The following MYEF2 variants were observed in gnomAD, a reference collection of about 807,000 sequenced individuals.
MYEF2 encodes the protein myelin expression factor 2, also known as myelin gene expression factor 2.
MYEF2 carries 37 observed loss-of-function variants against 75.2 expected under a neutral mutation model. The ratio of observed to expected loss-of-function variants is 0.49; its 90% CI spans 0.38 to 0.65. MYEF2 has a LOEUF of 0.65. Among genes scored for constraint, MYEF2 ranks in the 30% least tolerant of loss-of-function variants. The pLI, the probability that MYEF2 is intolerant of heterozygous loss-of-function variation, is 0.00. For missense variants in MYEF2, 634 were observed against 771.4 expected (o/e 0.82, Z 2.11); for synonymous variants, 195 against 241.6 (o/e 0.81, Z 1.79).
intron 9 of MYEF2, among the ~76,000 whole-genome samples, chr15:48,156,338 C>T (rs781186708): frequency 5.9e-5 from 9 of 151,414 alleles, no homozygotes; most frequent in Admixed American, 1.3e-4. Context: ...CTATTAAAAC[C>T]GACAAATTTC....
Position 48,140,193 on chromosome 15 carries a change from G to A in MYEF2, c.*2715C>T, listed in dbSNP as rs2039019264. The A allele has an allele frequency of 6.6e-6, 1 of 151,690 alleles. No homozygotes were observed. The highest frequency in any genetic ancestry group is 2.4e-5 in the African/African-American group (1 of 41,272). 9.4% of individuals were successfully genotyped at this position (151,690 alleles called of 1,614,324 possible). ...TTGATACTAGAAAAATAAAAAGAGA[G>A]CAAAAATCATGTAATAGATCACAGA... is the stretch of plus-strand genomic sequence containing the variant. On this transcript the variant is annotated 3_prime_UTR_variant, in exon 17 of 17. Coordinates refer to ENST00000324324, the MANE Select transcript of MYEF2 (RefSeq NM_016132.5).
At chr15:48,156,197 T>C (rs2039690031) in intron 9 of MYEF2, among the ~76,000 whole-genome samples, 1 of 152,174 alleles carries the variant, frequency 6.6e-6, no homozygotes, top group South Asian at 2.1e-4. Context: ...AGCTACCAAT[T>C]TGAAGTAAGC....
chr15:48,167,493 G>T, intron 2 of MYEF2, 92 bp from the exon 3 acceptor site: 1 of 1,121,502 alleles, frequency 8.9e-7, no homozygotes, highest in Non-Finnish European at 1.3e-6. Flanking sequence ...CAACTCTACA[G>T]AGAAGCACCT....
intron 1 of MYEF2, among the ~76,000 whole-genome samples, chr15:48,170,120 CTGT>C (rs748883983): frequency 8.3e-4 from 126 of 151,580 alleles, no homozygotes; most frequent in African/African-American, 2.6e-3. Context: ...GTTTTTGTTG[CTGT>C]TGTTGTTGTT....
chr15:48,150,570 T>A (rs2039454292), intron 14 of MYEF2, among the ~76,000 whole-genome samples: 1 of 151,972 alleles, frequency 6.6e-6, no homozygotes, highest in African/African-American at 2.4e-5. Flanking sequence ...GATGGGAGAT[T>A]CAGCATTCCC....
In MYEF2 at chr15:48,141,539, G is replaced by C. The variant is rs1000770339; in HGVS notation, c.*1369C>G. 2 of 182,754 alleles carry C rather than the reference G, an allele frequency of 1.1e-5. No individual in the cohort carries two copies. Among genetic ancestry groups the C allele is most frequent in the African/African-American group, 4.8e-5 (2 of 41,906 alleles). The allele number at this position is 182,754 out of a possible 1,614,324, so 11.3% of individuals were successfully genotyped here. ...TTGCAGTGAGCCGAGATTGCGCCAC[G>C]GCACTCCAGCAGCCTGGGCAACAGA... On this transcript the variant is annotated 3_prime_UTR_variant, in exon 17 of 17. Coordinates refer to ENST00000324324, the MANE Select transcript of MYEF2 (RefSeq NM_016132.5).
chr15:48,167,197 GT>G, intron 3 of MYEF2, 151 bp downstream of exon 3: 1 of 687,748 alleles, frequency 1.5e-6, no homozygotes. Context: ...TTGTATAAGT[GT>G]CAGACTTGCT....
chr15:48,164,343 C>A (rs2140907668), intron 5 of MYEF2, among the ~76,000 whole-genome samples: 1 of 152,216 alleles, frequency 6.6e-6, no homozygotes, highest in African/African-American at 2.4e-5. Flanking sequence ...GAAGTGGATC[C>A]TGAAGATGTG....
rs2038970166 is a variant in MYEF2, at chr15:48,138,904, A to G, written c.*4004T>C. The G allele has an allele frequency of 2.6e-5, 31 of 1,198,756 alleles. No homozygotes were observed. In the South Asian group the frequency reaches 4.1e-4, roughly 16 times the overall value. 74.3% of individuals were successfully genotyped at this position (1,198,756 alleles called of 1,614,324 possible). On this transcript the variant is annotated 3_prime_UTR_variant, in exon 17 of 17. Coordinates refer to ENST00000324324, the MANE Select transcript of MYEF2 (RefSeq NM_016132.5). ...AATTTATTTCAATATAACTTTCTAA[A>G]TAGGCATTTCTAACTTAATTAGCCA...
intron 6 of MYEF2, 145 bp from the exon 7 acceptor site, chr15:48,159,067 C>T: frequency 1.4e-6 from 1 of 704,184 alleles, no homozygotes; most frequent in Admixed American, 3.1e-5. Flanking sequence ...AATTTTAAAA[C>T]ATCTTCAGTT....
chr15:48,153,105 T>A (rs1239169651), intron 10 of MYEF2: 1 of 152,092 alleles, frequency 6.6e-6, no homozygotes, highest in Non-Finnish European at 1.5e-5. Context: ...AAGCCAAACA[T>A]TAAAAAGATG....
At chr15:48,143,863 A>G (rs573090401) in intron 16 of MYEF2, among the ~76,000 whole-genome samples, 8 of 152,238 alleles carry the variant, frequency 5.3e-5, no homozygotes, top group African/African-American at 1.9e-4. Flanking sequence ...AAAAGTGGCC[A>G]TAAGAATTCA....
chr15:48,158,352 A>G lies in MYEF2; in HGVS notation c.872-128T>C, dbSNP rs181788332. On this transcript the variant is annotated intron_variant, in intron 7 of 16. Coordinates refer to ENST00000324324, the MANE Select transcript of MYEF2 (RefSeq NM_016132.5). ...ATTAACATCTTTAATACTTATTGAT[A>G]TTAGCCACTTTCATATACTCAAAAA... 1.2e-3 allele frequency: 901 copies of G among 782,712 alleles called. 11 individuals carry two copies. The African/African-American group carries it at 0.014, about 13-fold the overall frequency. The allele number at this position is 782,712 out of a possible 1,614,324, so 48.5% of individuals were successfully genotyped here.
Position 48,151,456 on chromosome 15 carries a change from T to A in MYEF2, c.1306+17A>T. The A allele has an allele frequency of 1.3e-6, 2 of 1,598,108 alleles. No individual in the cohort carries two copies. Among genetic ancestry groups the A allele is most frequent in the South Asian group, 2.2e-5 (2 of 90,628 alleles). On this transcript the variant is annotated intron_variant, in intron 13 of 16. Coordinates refer to ENST00000324324, the MANE Select transcript of MYEF2 (RefSeq NM_016132.5). ...TAGCCTACAAAAAGAAAAGGAGAAG[T>A]ATGCAGCCAGCCCTACCAAGTCTAC...
chr15:48,164,972 C>G (rs145704758), intron 5 of MYEF2, among the ~76,000 whole-genome samples: 2 of 152,212 alleles, frequency 1.3e-5, no homozygotes, highest in East Asian at 3.9e-4. Context: ...TAGTCTGGAA[C>G]CAAACCTACA....
chr15:48,158,812 G>A lies in MYEF2; in HGVS notation c.828C>T (p.Gly276=). ...EDKDGKSRGM[G]TVTFEQAIEA... is the part of the protein sequence containing the mutation. ...CAATTGCTTGCTCAAAAGTGACAGT[G>A]CCCATTCCTCTGCTCTTGCCATCTT... Residue 276 remains glycine (G), a synonymous_variant, in exon 7 of 17, where the codon GGC becomes GGT. Transcript: ENST00000324324. 1 of 1,613,740 alleles carries A rather than the reference G, an allele frequency of 6.2e-7. No homozygotes were observed. The highest frequency in any genetic ancestry group is 1.3e-5 in the African/African-American group (1 of 75,008).
At chr15:48,176,864 A>C (rs1220415248) in intron 1 of MYEF2, among the ~76,000 whole-genome samples, 1 of 152,170 alleles carries the variant, frequency 6.6e-6, no homozygotes, top group Non-Finnish European at 1.5e-5. Context: ...ACTAAGTTCC[A>C]ATCTCTTATA....
At chr15:48,148,164 T>C (rs925502824) in intron 16 of MYEF2, among the ~76,000 whole-genome samples, 34 of 152,058 alleles carry the variant, frequency 2.2e-4, no homozygotes, top group Non-Finnish European at 4.3e-4. Context: ...ATTATATATA[T>C]GCTATCTTAT....
chr15:48,148,074 T>C (rs2039356114), intron 16 of MYEF2, among the ~76,000 whole-genome samples: 1 of 152,112 alleles, frequency 6.6e-6, no homozygotes, highest in African/African-American at 2.4e-5. Context: ...TAAAGAAATA[T>C]GAGATAATAT....
Sources: allele counts gnomAD v4.1 joint callset (sites outside exome capture counted in the v4.1 genomes callset), GRCh38; gene constraint gnomAD v4.1.1; transcripts MANE v1.5; gene names NCBI Gene and HGNC (gene_info 2026-07-23, HGNC 2026-07-21).